The following DLC1 variants were observed in gnomAD, a reference collection of about 807,000 sequenced individuals.
DLC1 encodes the protein rho GTPase-activating protein 7.
A neutral mutation model predicts 140.3 loss-of-function variants in DLC1; 54 were observed. The ratio of observed to expected loss-of-function variants is 0.38; its 90% CI spans 0.31 to 0.48. DLC1 has a LOEUF of 0.48. DLC1 is among the 20% of genes least tolerant of loss of function. The pLI is 0.96. For synonymous variants in DLC1, 986 were observed against 728.1 expected (o/e 1.35, Z -5.70); for missense variants, 2,536 against 1,907.0 (o/e 1.33, Z -6.14).
intron 5 of DLC1, among the ~76,000 whole-genome samples, chr8:13,115,948 G>A (rs1449171669): frequency 6.6e-6 from 1 of 152,148 alleles, no homozygotes; most frequent in African/African-American, 2.4e-5. Context: ...ATTACAAACG[G>A]TTATGAAAAT....
At chr8:13,366,800 T>A (rs76417466) in intron 4 of DLC1, among the ~76,000 whole-genome samples, 2,686 of 152,166 alleles carry the variant, frequency 0.018, 49 homozygotes, top group Middle Eastern at 0.051. Context: ...CCCCTCTGGG[T>A]CGAAGGCCAC....
At chr8:13,235,982 AT>A (rs964489117) in intron 5 of DLC1, among the ~76,000 whole-genome samples, 13 of 55,120 alleles carry the variant, frequency 2.4e-4, no homozygotes, top group East Asian at 2.7e-3. Context: ...GCAAAGTGAA[AT>A]TTAAAAAAAA....
At chr8:13,527,782 A>G (rs1370111973) in intron 1 of DLC1, among the ~76,000 whole-genome samples, 1 of 152,174 alleles carries the variant, frequency 6.6e-6, no homozygotes, top group Non-Finnish European at 1.5e-5. Context: ...TCAAATAGGT[A>G]TGAAACAGCA....
chr8:13,148,157 G>A (rs886139247), intron 5 of DLC1, among the ~76,000 whole-genome samples: 1 of 151,876 alleles, frequency 6.6e-6, no homozygotes, highest in African/African-American at 2.4e-5. Context: ...TACATGTGCA[G>A]GTGACATAGG....
chr8:13,462,255 C>T (rs1799700128), intron 2 of DLC1, among the ~76,000 whole-genome samples: 1 of 152,102 alleles, frequency 6.6e-6, no homozygotes, highest in Non-Finnish European at 1.5e-5. Flanking sequence ...TTTTATTTGT[C>T]ATTTTATCCT....
At chr8:13,272,853 G>A (rs1355632872) in intron 5 of DLC1, among the ~76,000 whole-genome samples, 1 of 152,180 alleles carries the variant, frequency 6.6e-6, no homozygotes, top group Non-Finnish European at 1.5e-5. Context: ...CAACCTGGGT[G>A]ACAGAGCGAG....
At chr8:13,533,241 CGTT>C (rs199874102) in intron 1 of DLC1, among the ~76,000 whole-genome samples, 914 of 21,484 alleles carry the variant, frequency 0.043, 15 homozygotes, top group African/African-American at 0.069. Context: ...GTAGAATAAT[CGTT>C]GTTTTTTTTT....
intron 1 of DLC1, among the ~76,000 whole-genome samples, chr8:13,599,276 C>T (rs1435429809): frequency 6.6e-6 from 1 of 151,796 alleles, no homozygotes; most frequent in African/African-American, 2.4e-5. Context: ...GATCATTATG[C>T]CAGCCTCATG....
chr8:13,183,691 T>C (rs1826172814), intron 5 of DLC1, among the ~76,000 whole-genome samples: 1 of 152,174 alleles, frequency 6.6e-6, no homozygotes, highest in African/African-American at 2.4e-5. Context: ...GGATAAGCTT[T>C]TTGATGTTCT....
chr8:13,309,496 T>C (rs946631492), intron 4 of DLC1, among the ~76,000 whole-genome samples: 3 of 152,242 alleles, frequency 2.0e-5, no homozygotes, highest in African/African-American at 7.2e-5. Flanking sequence ...TAAAAAGCTA[T>C]TTAAGAAAGC....
At chr8:13,506,581 G>GTGTATATATATATA (rs1246764417) in intron 1 of DLC1, among the ~76,000 whole-genome samples, 1 of 131,142 alleles carries the variant, frequency 7.6e-6, no homozygotes, top group African/African-American at 3.2e-5. Flanking sequence ...GTGTGTGTGT[G>GTGTATATATATATA]TATATATATA....
At chr8:13,490,156 C>G (rs1055686046) in intron 2 of DLC1, among the ~76,000 whole-genome samples, 1 of 152,064 alleles carries the variant, frequency 6.6e-6, no homozygotes, top group East Asian at 1.9e-4. Context: ...AATAATGATG[C>G]TATTTCAATA....
At chr8:13,135,968 G>A (rs549892790) in intron 5 of DLC1, among the ~76,000 whole-genome samples, 2 of 152,218 alleles carry the variant, frequency 1.3e-5, no homozygotes, top group South Asian at 2.1e-4. Context: ...ATTGGTTTGC[G>A]TTTGACCTTC....
chr8:13,367,361 C>G (rs187609429), intron 4 of DLC1, among the ~76,000 whole-genome samples: 16 of 152,252 alleles, frequency 1.1e-4, no homozygotes, highest in Admixed American at 8.5e-4. Flanking sequence ...CTACACTGTC[C>G]TTAAAGATCC....
chr8:13,496,176 A>C (rs192496783), intron 2 of DLC1, among the ~76,000 whole-genome samples: 1 of 152,192 alleles, frequency 6.6e-6, no homozygotes, highest in South Asian at 2.1e-4. Context: ...CAAAAAACTT[A>C]TCTCTTCTAA....
At chr8:13,266,608 G>A (rs971382689) in intron 5 of DLC1, among the ~76,000 whole-genome samples, 6 of 152,116 alleles carry the variant, frequency 3.9e-5, no homozygotes, top group African/African-American at 1.4e-4. Context: ...AGCTGGATAT[G>A]GTGGCAGGTG....
At chr8:13,379,604 G>T (rs67484546) in intron 4 of DLC1, among the ~76,000 whole-genome samples, 19,909 of 152,144 alleles carry the variant, frequency 0.13, 1,468 homozygotes, top group Non-Finnish European at 0.17. Context: ...ATTGTAAATT[G>T]GGGACCCTCT....
At chr8:13,445,740 C>G (rs1256026446) in intron 2 of DLC1, among the ~76,000 whole-genome samples, 2 of 152,102 alleles carry the variant, frequency 1.3e-5, no homozygotes, top group Non-Finnish European at 2.9e-5. Flanking sequence ...GAAAGAAAAA[C>G]AAAACAAAAG....
chr8:13,527,802 C>T (rs1056433083), intron 1 of DLC1, among the ~76,000 whole-genome samples: 62 of 152,162 alleles, frequency 4.1e-4, no homozygotes, highest in African/African-American at 1.3e-3. Flanking sequence ...ATCTATTATA[C>T]GTGAACTAGG....
Sources: gnomAD v4.1 joint callset for allele counts (sites outside exome capture counted in the v4.1 genomes callset) on GRCh38, gnomAD v4.1.1 for gene constraint, MANE v1.5 for transcripts, NCBI Gene and HGNC (gene_info 2026-07-23, HGNC 2026-07-21) for gene names.